DTNA: variants seen among roughly 807,000 people sequenced by gnomAD.
DTNA encodes dystrobrevin alpha, also known as dystrophin-related protein 3.
DTNA carries 43 observed loss-of-function variants against 100.7 expected under a neutral mutation model. The observed-to-expected ratio is 0.43, with a 90% CI of 0.33 to 0.55. The LOEUF (loss-of-function observed/expected upper bound fraction) is 0.55. DTNA is among the 20% of genes least tolerant of loss of function. The pLI, the probability that DTNA is intolerant of heterozygous loss-of-function variation, is 0.04. For synonymous variants in DTNA, 349 were observed against 347.9 expected (o/e 1.00, Z -0.04); for missense variants, 798 against 953.9 (o/e 0.84, Z 2.15).
In DTNA at chr18:34,888,282, T is replaced by C. The variant is rs2096940236; in HGVS notation, c.*548T>C. 1.0e-6 allele frequency: 1 copy of C among 985,812 alleles called. No homozygotes were observed. Among genetic ancestry groups the C allele is most frequent in the Non-Finnish European group, 1.2e-6 (1 of 829,916 alleles). 61.1% of individuals were successfully genotyped at this position (985,812 alleles called of 1,614,324 possible). On this transcript the variant is annotated 3_prime_UTR_variant, in exon 23 of 23. Transcript: ENST00000444659. ...ACACTGTACATTTTTTTCACAGCAA[T>C]TGGAAAAAAACAACCACTTGCAATC...
chr18:34,836,431 T>C (rs2149687385), intron 11 of DTNA, among the ~76,000 whole-genome samples: 1 of 152,208 alleles, frequency 6.6e-6, no homozygotes. Flanking sequence ...GGGGGGCAGA[T>C]CACTTGAGGT....
chr18:34,866,144 C>T (rs1603299240), intron 17 of DTNA: 1 of 1,614,106 alleles, frequency 6.2e-7, no homozygotes, highest in African/African-American at 1.3e-5. Context: ...AAGTTATGTC[C>T]CCTACTGCAG....
rs77633937 is a variant in DTNA at position 34,585,023 on chromosome 18, A to G, written c.-2+91509A>G. Among the ~76,000 whole-genome samples, 653 of 152,366 alleles carry G rather than the reference A, an allele frequency of 4.3e-3. 9 individuals are homozygous for G. Among genetic ancestry groups the G allele is most frequent in the African/African-American group, 0.015 (628 of 41,578 alleles). On this transcript the variant is annotated intron_variant, in intron 1 of 19. Coordinates refer to the DTNA transcript ENST00000283365. ...TAAAGTAAAAGTAACAATTAATGTA[A>G]TAAGAGAATAAAGAAATATTTTCAA... is the stretch of plus-strand genomic sequence containing the variant.
At chr18:34,791,949 A>G (rs2094764156) in intron 3 of DTNA, among the ~76,000 whole-genome samples, 1 of 152,164 alleles carries the variant, frequency 6.6e-6, no homozygotes, top group Non-Finnish European at 1.5e-5. Flanking sequence ...CAGATTTGCA[A>G]CCTAGGTCTT....
intron 1 of DTNA, among the ~76,000 whole-genome samples, chr18:34,554,910 C>A (rs2045863219): frequency 6.7e-6 from 1 of 149,608 alleles, no homozygotes; most frequent in Non-Finnish European, 1.5e-5. Context: ...AGGGAGGATT[C>A]CCCCTTTTTC....
At chr18:34,802,903 A>AT (rs1003415713) in intron 4 of DTNA, among the ~76,000 whole-genome samples, 1 of 152,124 alleles carries the variant, frequency 6.6e-6, no homozygotes, top group Non-Finnish European at 1.5e-5. Flanking sequence ...AAAAGCTGAT[A>AT]TTTTTTAAAG....
intron 1 of DTNA, among the ~76,000 whole-genome samples, chr18:34,721,500 A>G (rs1243476704): frequency 6.6e-6 from 1 of 152,202 alleles, no homozygotes; most frequent in Non-Finnish European, 1.5e-5. Context: ...AACATGGGAA[A>G]CTAATGAAAA....
At chr18:34,685,253 T>G (rs1480423358) in intron 1 of DTNA, among the ~76,000 whole-genome samples, 1 of 152,166 alleles carries the variant, frequency 6.6e-6, no homozygotes, top group Non-Finnish European at 1.5e-5. Flanking sequence ...ATTTTCTTCT[T>G]GGGTTTTTAT....
chr18:34,689,157 A>G (rs1358534745), intron 1 of DTNA, among the ~76,000 whole-genome samples: 1 of 151,646 alleles, frequency 6.6e-6, no homozygotes, highest in Non-Finnish European at 1.5e-5. Flanking sequence ...AATTCGTCAA[A>G]CTCATTCTCC....
chr18:34,550,199 G>C lies in DTNA; in HGVS notation c.-2+56685G>C, dbSNP rs571639746. ...TCATAGAAAGGAATTTGTTTTCATT[G>C]TTATAAACTAGAGGGTTTTAGGAAT... On this transcript the variant is annotated intron_variant, in intron 1 of 19. Transcript: ENST00000283365. Among the ~76,000 whole-genome samples, 3 of 152,192 alleles carry C rather than the reference G, an allele frequency of 2.0e-5. 1 individual carries two copies. In the South Asian group the frequency reaches 6.2e-4, roughly 32 times the overall value.
chr18:34,540,146 G>A (rs1394640105), intron 1 of DTNA, among the ~76,000 whole-genome samples: 1 of 151,648 alleles, frequency 6.6e-6, no homozygotes, highest in African/African-American at 2.4e-5. Flanking sequence ...ATAAAATTGA[G>A]GATGTCCAAA....
intron 4 of DTNA, among the ~76,000 whole-genome samples, chr18:34,802,653 G>A (rs2095253786): frequency 6.6e-6 from 1 of 152,148 alleles, no homozygotes; most frequent in African/African-American, 2.4e-5. Context: ...ACTGTGGTTG[G>A]CTAACTAGCC....
intron 1 of DTNA, among the ~76,000 whole-genome samples, chr18:34,577,886 A>G (rs1444934336): frequency 1.3e-5 from 2 of 149,196 alleles, no homozygotes; most frequent in African/African-American, 2.5e-5. Flanking sequence ...TTGGTTCCAC[A>G]TTTTTGCAAT....
At chr18:34,653,308 C>T (rs562914530) in intron 1 of DTNA, among the ~76,000 whole-genome samples, 1 of 152,084 alleles carries the variant, frequency 6.6e-6, no homozygotes, top group Non-Finnish European at 1.5e-5. Flanking sequence ...TAGTCCTCTA[C>T]CTGGATTTAT....
intron 22 of DTNA, among the ~76,000 whole-genome samples, chr18:34,885,282 T>A (rs1446772752): frequency 1.3e-5 from 2 of 152,176 alleles, no homozygotes; most frequent in Admixed American, 1.3e-4. Flanking sequence ...AGAGGAAAAA[T>A]TCTGCAGCCT....
intron 15 of DTNA, among the ~76,000 whole-genome samples, chr18:34,855,121 A>C (rs1326668112): frequency 6.6e-6 from 1 of 152,236 alleles, no homozygotes; most frequent in South Asian, 2.1e-4. Flanking sequence ...GATAGAATTA[A>C]AGGTAAAAAT....
chr18:34,710,849 G>A (rs1356858097), intron 1 of DTNA, among the ~76,000 whole-genome samples: 2 of 152,120 alleles, frequency 1.3e-5, no homozygotes, highest in East Asian at 3.9e-4. Context: ...AGTGGCATTT[G>A]TCCAAAGCTA....
At chr18:34,829,143 G>A in intron 10 of DTNA, 1 of 1,613,886 alleles carries the variant, frequency 6.2e-7, no homozygotes, top group East Asian at 2.2e-5. Flanking sequence ...CCTCCAGGGT[G>A]CATGGTACCC....
At chr18:34,739,469 G>A (rs2090227634) in intron 1 of DTNA, among the ~76,000 whole-genome samples, 1 of 152,150 alleles carries the variant, frequency 6.6e-6, no homozygotes, top group Admixed American at 6.6e-5. Context: ...AAAAACTGAA[G>A]TTTAAAACAT....
Sources: allele counts gnomAD v4.1 joint callset (sites outside exome capture counted in the v4.1 genomes callset), GRCh38; gene constraint gnomAD v4.1.1; transcripts MANE v1.5; gene names NCBI Gene and HGNC (gene_info 2026-07-23, HGNC 2026-07-21).